The following SPATA22 variants were observed in gnomAD, a reference collection of about 807,000 sequenced individuals.
SPATA22 encodes spermatogenesis associated 22, also known as spermatogenesis-associated protein 22.
SPATA22 carries 29 observed loss-of-function variants against 47.8 expected under a neutral mutation model. That is an observed-to-expected ratio of 0.61 (90% CI 0.45 to 0.83). SPATA22 has a LOEUF of 0.83. Among genes scored for constraint, SPATA22 ranks in the 40% least tolerant of loss-of-function variants. SPATA22 has a pLI of 0.00. For missense variants in SPATA22, 410 were observed against 421.7 expected (o/e 0.97, Z 0.24); for synonymous variants, 133 against 140.9 (o/e 0.94, Z 0.40).
At chr17:3,500,993 T>C (rs1198360914) in intron 1 of SPATA22, 1 of 151,998 alleles carries the variant, frequency 6.6e-6, no homozygotes, top group African/African-American at 2.4e-5. Context: ...TGATTGACAA[T>C]ACACCATGTT....
chr17:3,466,523 C>G (rs2073318097), intron 3 of SPATA22, among the ~76,000 whole-genome samples: 1 of 152,082 alleles, frequency 6.6e-6, no homozygotes, highest in Non-Finnish European at 1.5e-5. Flanking sequence ...AGAGGGCAGT[C>G]TACTGGTGAC....
At chr17:3,504,706 C>A (rs912922241) in intron 1 of SPATA22, among the ~76,000 whole-genome samples, 4 of 151,950 alleles carry the variant, frequency 2.6e-5, no homozygotes, top group Non-Finnish European at 5.9e-5. Flanking sequence ...TATAGGCATG[C>A]GCCACCACGC....
intron 3 of SPATA22, among the ~76,000 whole-genome samples, chr17:3,463,122 T>C (rs1567601167): frequency 1.3e-5 from 2 of 152,158 alleles, no homozygotes; most frequent in Non-Finnish European, 2.9e-5. Context: ...TCAGAACATA[T>C]ACATGCATGA....
chr17:3,496,715 A>G (rs1049889912), intron 1 of SPATA22, among the ~76,000 whole-genome samples: 3 of 152,220 alleles, frequency 2.0e-5, no homozygotes, highest in Non-Finnish European at 4.4e-5. Context: ...ACCACAAACT[A>G]CTAAAGTAGC....
intron 5 of SPATA22, among the ~76,000 whole-genome samples, chr17:3,457,815 A>C (rs541085432): frequency 2.6e-5 from 4 of 152,352 alleles, no homozygotes; most frequent in South Asian, 4.1e-4. Context: ...ATATACAAAA[A>C]TCAACTCAAC....
intron 5 of SPATA22, among the ~76,000 whole-genome samples, chr17:3,451,466 G>A (rs548426824): frequency 6.6e-6 from 1 of 152,168 alleles, no homozygotes; most frequent in South Asian, 2.1e-4. Flanking sequence ...GGACCCAAAA[G>A]ACATATATGG....
chr17:3,479,209 T>C (rs1243093380), intron 1 of SPATA22, among the ~76,000 whole-genome samples: 1 of 152,204 alleles, frequency 6.6e-6, no homozygotes, highest in Non-Finnish European at 1.5e-5. Context: ...CTTGGGACTC[T>C]TCCAATGGGA....
intron 1 of SPATA22, chr17:3,498,748 C>A: frequency 1.3e-6 from 1 of 767,888 alleles, no homozygotes; most frequent in Non-Finnish European, 1.9e-6. Flanking sequence ...AGTCAGATCA[C>A]TTGCCTGCAT....
chr17:3,513,700 T>C, exon 1 of SPATA22: 2 of 483,408 alleles, frequency 4.1e-6, no homozygotes, highest in Non-Finnish European at 7.3e-6. Flanking sequence ...ACACCAGCTG[T>C]TTGCCAAGTA....
chr17:3,500,921 T>G (rs1315969772), intron 1 of SPATA22: 1 of 148,984 alleles, frequency 6.7e-6, no homozygotes, highest in African/African-American at 2.5e-5. Context: ...CTGTATATTT[T>G]AAGCCCACTG....
At chr17:3,510,116 T>C (rs2074092817) in intron 1 of SPATA22, among the ~76,000 whole-genome samples, 1 of 152,222 alleles carries the variant, frequency 6.6e-6, no homozygotes, top group African/African-American at 2.4e-5. Flanking sequence ...GTAGGTTGCC[T>C]GTTCACTCTG....
rs532799181 is a variant in SPATA22, at chr17:3,490,287, G to A, written c.-73-20889C>T. On this transcript the variant is annotated intron_variant, in intron 1 of 8. Transcript: ENST00000541913. This position sits in a 1 kb window ranked among gnomAD's most constrained non-coding sequence, Gnocchi z 4.6. ...TAAACGGGGACTGGTGGACAAGGTG[G>A]GTATATGCAGCTCTATGCACTATCT... Among the ~76,000 whole-genome samples the A allele has an allele frequency of 2.6e-5, 4 of 152,034 alleles. 1 individual carries two copies. The East Asian group carries it at 7.7e-4, about 29-fold the overall frequency.
At chr17:3,481,530 C>G in intron 1 of SPATA22, 1 of 1,408,682 alleles carries the variant, frequency 7.1e-7, no homozygotes, top group Non-Finnish European at 9.8e-7. Context: ...TCTTTTTACA[C>G]TGTGTTCTTA....
At chr17:3,487,121 T>TA (rs1409399341) in intron 1 of SPATA22, among the ~76,000 whole-genome samples, 1 of 152,210 alleles carries the variant, frequency 6.6e-6, no homozygotes, top group Non-Finnish European at 1.5e-5. Context: ...TGCTTCTTTC[T>TA]AGGATAAGGT....
At chr17:3,449,870 G>A (rs78747282) in intron 5 of SPATA22, among the ~76,000 whole-genome samples, 111 of 150,288 alleles carry the variant, frequency 7.4e-4, no homozygotes, top group Non-Finnish European at 1.4e-3. Context: ...TTTTTCTCTT[G>A]GAGACAGGGT....
chr17:3,452,137 CA>C (rs760351394), intron 5 of SPATA22, among the ~76,000 whole-genome samples: 2 of 151,600 alleles, frequency 1.3e-5, no homozygotes, highest in African/African-American at 2.4e-5. Flanking sequence ...GAGTTTATAG[CA>C]ATGAATGCCC....
intron 3 of SPATA22, among the ~76,000 whole-genome samples, chr17:3,464,753 C>A (rs1270554576): frequency 8.1e-6 from 1 of 123,422 alleles, no homozygotes; most frequent in African/African-American, 3.0e-5. Context: ...GCAACCGCCC[C>A]GTCTGAGAAG....
chr17:3,500,929 C>T (rs1174409624), intron 1 of SPATA22: 1 of 141,362 alleles, frequency 7.1e-6, no homozygotes, highest in African/African-American at 2.5e-5. Flanking sequence ...TTTAAGCCCA[C>T]TGTTGAGACC....
intron 1 of SPATA22, chr17:3,513,267 C>G (rs1333605976): frequency 6.6e-6 from 1 of 152,618 alleles, no homozygotes; most frequent in East Asian, 1.9e-4. Flanking sequence ...AATTCTGCTA[C>G]TAAAAACATC....
Sources: allele counts gnomAD v4.1 joint callset (sites outside exome capture counted in the v4.1 genomes callset), GRCh38; gene constraint gnomAD v4.1.1; non-coding constraint Gnocchi (gnomAD v3.1); transcripts MANE v1.5; gene names NCBI Gene and HGNC (gene_info 2026-07-23, HGNC 2026-07-21).